The following MBTPS2 variants were observed in gnomAD, a reference collection of about 807,000 sequenced individuals.
MBTPS2 encodes the protein membrane-bound transcription factor site-2 protease.
In MBTPS2, 2 loss-of-function variants were observed where a neutral mutation model predicts 35.4. The ratio of observed to expected loss-of-function variants is 0.06; its 90% confidence interval spans 0.02 to 0.18. MBTPS2 has a LOEUF of 0.18. Among genes scored for constraint, MBTPS2 ranks in the 10% least tolerant of loss-of-function variants. MBTPS2 has a pLI of 1.00. For synonymous variants in MBTPS2, 125 were observed against 140.4 expected (o/e 0.89, Z 0.77); for missense variants, 244 against 386.5 (o/e 0.63, Z 3.09).
rs776917189 is a variant in MBTPS2, at chrX:21,856,267, C to G, written c.670+2764C>G. 2.2e-5 allele frequency: 9 copies of G among 416,296 alleles called. No homozygotes were observed. The African/African-American group carries it at 2.3e-4, about 10-fold the overall frequency. 34.3% of individuals were successfully genotyped at this position (416,296 alleles called of 1,213,427 possible). A position where few individuals can be genotyped will look rare whatever the true frequency, so the allele number is the denominator to read the frequency against. ...AAGCACCTGCGCCTTCCGGCTCGTG[C>G]TTTCCTCAGTCTCGCGCCTTTCTCT... On this transcript the variant is annotated intron_variant, in intron 5 of 10. Coordinates refer to ENST00000379484, the MANE Select transcript of MBTPS2 (RefSeq NM_015884.4).
At chrX:21,868,295 GTAAC>G (rs1408522728) in intron 5 of MBTPS2, among the ~76,000 whole-genome samples, 168 bp from the exon 6 acceptor site, 2 of 111,848 alleles carry the variant, frequency 1.8e-5, no homozygotes, top group African/African-American at 3.2e-5. Flanking sequence ...TAAAATGAAA[GTAAC>G]TAATAATTGA....
chrX:21,848,628 C>T (rs959823964), intron 3 of MBTPS2, among the ~76,000 whole-genome samples: 1 of 110,746 alleles, frequency 9.0e-6, no homozygotes, highest in Non-Finnish European at 1.9e-5. Flanking sequence ...TGCAGTGAGC[C>T]GAGATCGCGC....
intron 4 of MBTPS2, 45 bp downstream of exon 4, chrX:21,851,657 C>A (rs1392743595): frequency 1.1e-6 from 1 of 891,260 alleles, no homozygotes; most frequent in Non-Finnish European, 1.7e-6. Flanking sequence ...CAAAAAAAAG[C>A]TTTTCATTTA....
chrX:21,851,536 C>G lies in MBTPS2; in HGVS notation c.466C>G (p.Gln156Glu), dbSNP rs1280853109. ...TCCTGGTATAAATTTACCCGTCAAT[C>G]AACTGACCTATTTCTTCACGGCAGT... ...VVPGINLPVN[Q>E]LTYFFTAVLI... Residue 156 changes from glutamine to glutamate, a missense_variant, in exon 4 of 11, where the codon CAA (glutamine) becomes GAA (glutamate). By Grantham distance (29) the Gln-to-Glu change is conservative. Transcript: ENST00000379484. 7 of 1,204,920 alleles carry G rather than the reference C, an allele frequency of 5.8e-6. No homozygotes were observed. Among genetic ancestry groups the G allele is most frequent in the Non-Finnish European group, 7.9e-6 (7 of 891,078 alleles).
rs757699752 is a variant in MBTPS2, at chrX:21,845,064, T to G, written c.225-107T>G. On this transcript the variant is annotated intron_variant, in intron 2 of 10. Coordinates refer to ENST00000379484, the MANE Select transcript of MBTPS2 (RefSeq NM_015884.4). ...GAAAAAGAAGCAGAGTTACTGAAAT[T>G]TTTTAGCCATTATTTTAAAGCTATG... The G allele has an allele frequency of 8.6e-6, 10 of 1,165,056 alleles. No individual in the cohort carries two copies. The East Asian group carries it at 2.4e-4, about 28-fold the overall frequency.
chrX:21,881,435 A>G (rs988863152), intron 10 of MBTPS2, among the ~76,000 whole-genome samples: 1 of 111,700 alleles, frequency 9.0e-6, no homozygotes, highest in Non-Finnish European at 1.9e-5. Context: ...AGAGGGCCAA[A>G]TCTTATTGTG....
rs762869058 is a variant in MBTPS2 at position 21,885,061 on chromosome X, C to G, written c.*2406C>G. 4.0e-6 allele frequency: 3 copies of G among 750,083 alleles called. No individual in the cohort carries two copies. In the African/African-American group the frequency reaches 6.9e-5, roughly 17 times the overall value. 61.8% of individuals were successfully genotyped at this position (750,083 alleles called of 1,213,427 possible). On this transcript the variant is annotated 3_prime_UTR_variant, in exon 11 of 11. Transcript: ENST00000379484. Reference sequence around the variant, plus strand: ...CAGTGTTCCTACTCTGCATTGTTTACATTTTTGACAGTTTTTTTTAATCAC... The same window carrying G: ...CAGTGTTCCTACTCTGCATTGTTTAGATTTTTGACAGTTTTTTTTAATCAC...
chrX:21,840,791 C>A (rs984119372), intron 1 of MBTPS2, among the ~76,000 whole-genome samples: 4 of 112,177 alleles, frequency 3.6e-5, no homozygotes, highest in Non-Finnish European at 5.6e-5. Context: ...ATCATTTAAA[C>A]TTGTAAAGTG....
At position 21,883,424 on chromosome X, in the gene MBTPS2, A is replaced by T. The variant is rs2147456441; in HGVS notation, c.*769A>T. 1 of 754,835 alleles carries T rather than the reference A, an allele frequency of 1.3e-6. No homozygotes were observed. The highest frequency in any genetic ancestry group is 1.6e-6 in the Non-Finnish European group (1 of 639,718). 62.2% of individuals were successfully genotyped at this position (754,835 alleles called of 1,213,427 possible). On this transcript the variant is annotated 3_prime_UTR_variant, in exon 11 of 11. Coordinates refer to ENST00000379484, the MANE Select transcript of MBTPS2 (RefSeq NM_015884.4). Reference sequence around the variant, plus strand: ...CAGCAGCATGTGAGCAGAGGGAGGCAGTTGGGGTTGAACTTCGGAACTAGG... The same window carrying T: ...CAGCAGCATGTGAGCAGAGGGAGGCTGTTGGGGTTGAACTTCGGAACTAGG...
chrX:21,881,070 T>C, intron 10 of MBTPS2, 98 bp downstream of exon 10: 1 of 598,129 alleles, frequency 1.7e-6, no homozygotes, highest in South Asian at 2.3e-5. Flanking sequence ...ACCTCACAAG[T>C]ATCACTTAAT....
intron 5 of MBTPS2, chrX:21,856,593 A>C (rs376273108): frequency 3.3e-6 from 4 of 1,211,818 alleles, no homozygotes; most frequent in Non-Finnish European, 3.3e-6. Context: ...GGACATTCCG[A>C]CGGAAAGCGT....
intron 5 of MBTPS2, chrX:21,858,732 A>C (rs1167233395): frequency 1.7e-5 from 2 of 119,236 alleles, no homozygotes; most frequent in Admixed American, 9.9e-5. Flanking sequence ...TCTACCAAAA[A>C]TAAAAAAATT....
intron 9 of MBTPS2, among the ~76,000 whole-genome samples, chrX:21,880,047 G>A (rs1013443773): frequency 5.1e-5 from 5 of 98,946 alleles, no homozygotes; most frequent in South Asian, 9.7e-4. Context: ...TCTGCCTCCC[G>A]GGTTCAAGCA....
chrX:21,862,979 G>T (rs2092934813), intron 5 of MBTPS2, among the ~76,000 whole-genome samples: 1 of 34,922 alleles, frequency 2.9e-5, no homozygotes, highest in African/African-American at 6.5e-5. Context: ...AAACCGACTG[G>T]GCGCGGTGGC....
chrX:21,877,528 C>T (rs1168195556), intron 7 of MBTPS2, among the ~76,000 whole-genome samples: 1 of 111,378 alleles, frequency 9.0e-6, no homozygotes, highest in African/African-American at 3.3e-5. Flanking sequence ...CGGGTATGTG[C>T]ACATCTGTGG....
Position 21,856,808 on chromosome X carries a change from G to A in MBTPS2, c.670+3305G>A, listed in dbSNP as rs781656677. The A allele has an allele frequency of 5.8e-6, 7 of 1,209,804 alleles. No homozygotes were observed. The African/African-American group carries it at 8.8e-5, about 15-fold the overall frequency. On this transcript the variant is annotated intron_variant, in intron 5 of 10. Coordinates refer to ENST00000379484, the MANE Select transcript of MBTPS2 (RefSeq NM_015884.4). ...ACTTGGAGGACCAGTTGGCCCTCCC[G>A]GATAGCATTGAAGACGAGCACTTCC... is the stretch of plus-strand genomic sequence containing the variant.
chrX:21,857,587 C>G (rs1452643520), intron 5 of MBTPS2: 1 of 1,201,500 alleles, frequency 8.3e-7, no homozygotes, highest in African/African-American at 1.8e-5. Flanking sequence ...CATGTGAAGA[C>G]CAAAAACAAC....
In MBTPS2 at chrX:21,864,293, G is replaced by A. The variant is rs2092936859; in HGVS notation, c.671-4174G>A. ...TTGTTGCCCAGGCTGGAGTGCAATGGCACGATCTTGGCTCACTGCAACCTC... is the reference window on the plus strand; with the variant it reads ...TTGTTGCCCAGGCTGGAGTGCAATGACACGATCTTGGCTCACTGCAACCTC... On this transcript the variant is annotated intron_variant, in intron 5 of 10. Transcript: ENST00000379484. 3.6e-5 allele frequency among the ~76,000 whole-genome samples: 4 copies of A among 111,986 alleles called. No homozygotes were observed. In the South Asian group the frequency reaches 1.5e-3, roughly 41 times the overall value.
intron 7 of MBTPS2, 23 bp downstream of exon 7, chrX:21,869,701 A>G (rs765286164): frequency 1.8e-6 from 2 of 1,114,086 alleles, no homozygotes; most frequent in Admixed American, 2.2e-5. Context: ...CCTCAATATA[A>G]TATAATGCTT....
Sources: gnomAD v4.1 joint callset for allele counts (sites outside exome capture counted in the v4.1 genomes callset) on GRCh38, gnomAD v4.1.1 for gene constraint, MANE v1.5 for transcripts, NCBI Gene and HGNC (gene_info 2026-07-23, HGNC 2026-07-21) for gene names.